The following DENND2C variants were observed in gnomAD, a reference collection of about 807,000 sequenced individuals.
DENND2C encodes DENN domain containing 2C.
A neutral mutation model predicts 112.4 loss-of-function variants in DENND2C; 72 were observed. The observed-to-expected ratio is 0.64, with a 90% CI of 0.53 to 0.78. The LOEUF (loss-of-function observed/expected upper bound fraction) is 0.78. Among genes scored for constraint, DENND2C ranks in the 30% least tolerant of loss-of-function variants. The pLI, the probability that DENND2C is intolerant of heterozygous loss-of-function variation, is 0.00. For missense variants in DENND2C, 992 were observed against 1,113.8 expected (o/e 0.89, Z 1.56); for synonymous variants, 329 against 381.6 (o/e 0.86, Z 1.61).
rs908991084 is a variant in DENND2C, at chr1:114,584,281, CT to C, written c.*1318del. 2 of 151,090 alleles carry C rather than the reference CT, an allele frequency of 1.3e-5. No homozygotes were observed. The highest frequency in any genetic ancestry group is 2.9e-5 in the Non-Finnish European group (2 of 67,806). The allele number at this position is 151,090 out of a possible 1,614,324, so 9.4% of individuals were successfully genotyped here. A position where few individuals can be genotyped will look rare whatever the true frequency, so the allele number is the denominator to read the frequency against. On this transcript the variant is annotated 3_prime_UTR_variant, in exon 21 of 21. Transcript: ENST00000393274. ...TTTTTCTTTTTTCTTTTCCTTTTTT[CT>C]TTTTTTTGAGATGGAGTCTCGCTCT...
chr1:114,650,630 C>T (rs188247755), intron 2 of DENND2C, among the ~76,000 whole-genome samples: 1,631 of 138,754 alleles, frequency 0.012, 23 homozygotes, highest in Middle Eastern at 0.056. Flanking sequence ...GCTGAGATTG[C>T]GCCACTGCAC....
At chr1:114,656,829 G>A (rs1657343758) in intron 1 of DENND2C, among the ~76,000 whole-genome samples, 3 of 152,058 alleles carry the variant, frequency 2.0e-5, no homozygotes, top group South Asian at 4.2e-4. Flanking sequence ...TTGGCTCACT[G>A]CAACCTCCAC....
chr1:114,605,097 C>A (rs1655623269), intron 10 of DENND2C, 66 bp from the exon 11 acceptor site: 1 of 1,232,390 alleles, frequency 8.1e-7, no homozygotes, highest in Admixed American at 2.4e-5. Context: ...AAATAAAAAA[C>A]TCAGCCTTGT....
chr1:114,589,506 T>A (rs1221822414), intron 18 of DENND2C, among the ~76,000 whole-genome samples: 1 of 152,262 alleles, frequency 6.6e-6, no homozygotes, highest in East Asian at 1.9e-4. Flanking sequence ...AGAATCCATG[T>A]TCATCACTGC....
chr1:114,603,210 T>C (rs1655564687), intron 11 of DENND2C, among the ~76,000 whole-genome samples: 1 of 151,628 alleles, frequency 6.6e-6, no homozygotes, highest in Admixed American at 6.6e-5. Context: ...GCGCAATCTC[T>C]GCTCACTGCA....
rs1655288344 is a variant in DENND2C at position 114,594,540 on chromosome 1, T to C, written c.2364A>G (p.Gln788=). 6.2e-7 allele frequency: 1 copy of C among 1,614,022 alleles called. No homozygotes were observed. The highest frequency in any genetic ancestry group is 8.5e-7 in the Non-Finnish European group (1 of 1,180,002). Residue 788 remains glutamine (Q), a synonymous_variant, in exon 18 of 21, where the codon CAA becomes CAG. Transcript: ENST00000393274. ...CTTCCAAAATCTGCATCAGGGCAGC[T>C]TGAAGTTTTGGTGGTAGAATTTCAT... is the stretch of plus-strand genomic sequence containing the variant. ...DEDEILPPKL[Q]AALMQILEER...
In DENND2C at chr1:114,630,155, A is replaced by G. The variant is rs554264330; in HGVS notation, c.-204-3967T>C. Reference sequence around the variant, plus strand: ...CAGTGAAACCCCATCTCTACTAAAAATTAGCTGGGCATGGTGGCATACGCC... The same window carrying G: ...CAGTGAAACCCCATCTCTACTAAAAGTTAGCTGGGCATGGTGGCATACGCC... On this transcript the variant is annotated intron_variant, in intron 3 of 20. Transcript: ENST00000393274. Among the ~76,000 whole-genome samples, 87 of 152,224 alleles carry G rather than the reference A, an allele frequency of 5.7e-4. 1 individual carries two copies. In the South Asian group the frequency reaches 0.018, roughly 31 times the overall value.
intron 20 of DENND2C, among the ~76,000 whole-genome samples, chr1:114,586,425 C>T (rs1655038168): frequency 6.6e-6 from 1 of 151,968 alleles, no homozygotes; most frequent in African/African-American, 2.4e-5. Flanking sequence ...AGGAATGTGT[C>T]CTAGAAATGA....
intron 3 of DENND2C, among the ~76,000 whole-genome samples, chr1:114,626,449 G>C (rs549334732): frequency 1.3e-5 from 2 of 151,188 alleles, no homozygotes; most frequent in South Asian, 4.2e-4. Context: ...AAGTTAGGTA[G>C]AATGAGGTTT....
intron 1 of DENND2C, among the ~76,000 whole-genome samples, chr1:114,667,968 T>C (rs1433410743): frequency 1.3e-5 from 2 of 152,198 alleles, no homozygotes; most frequent in African/African-American, 4.8e-5. Context: ...TAGGTACCAA[T>C]GAATGATAGC....
chr1:114,630,311 AAAAAG>A lies in DENND2C; in HGVS notation c.-204-4128_-204-4124del, dbSNP rs570722619. On this transcript the variant is annotated intron_variant, in intron 3 of 20. Transcript: ENST00000393274. ...GACAGAGCGAGATTCGTTCAAAAAA[AAAAAG>A]AAAAGAAAAGAAAAGAAAATTTATG... Among the ~76,000 whole-genome samples, 16 of 152,240 alleles carry A rather than the reference AAAAAG, an allele frequency of 1.1e-4. No individual in the cohort carries two copies. The East Asian group carries it at 1.7e-3, about 16-fold the overall frequency.
Position 114,605,011 on chromosome 1 carries a change from C to T in DENND2C, c.1578G>A (p.Gln526=), listed in dbSNP as rs553089363. 12 of 1,613,254 alleles carry T rather than the reference C, an allele frequency of 7.4e-6. No homozygotes were observed. In the East Asian group the frequency reaches 2.5e-4, roughly 33 times the overall value. The change falls in exon 11 of 21, where the codon CAG becomes CAA. Residue 526 remains glutamine, a synonymous_variant. Coordinates refer to ENST00000393274, the MANE Select transcript of DENND2C (RefSeq NM_001256404.2). ...TAAGTCTCTCTTCCATGTCTTTGGA[C>T]TGCTTATAGCCATGATCATCCTGAA... ...FPGKDDHGYK[Q]SKDMEERLKV... is the part of the protein sequence containing the mutation.
chr1:114,633,386 G>A (rs1450574332), intron 3 of DENND2C, among the ~76,000 whole-genome samples: 7 of 134,522 alleles, frequency 5.2e-5, no homozygotes, highest in Non-Finnish European at 7.6e-5. Context: ...GTTGCAGTAA[G>A]CCAAGATCGC....
chr1:114,600,864 G>C lies in DENND2C; in HGVS notation c.1912C>G (p.Arg638Gly). ...VMEAPFPAPG[R>G]TITVKSYLPG... ...AGGTAACTCTTAACTGTGATGGTGC[G>C]TCCAGGAGCTGGGAAAGGAGCTTCC... Residue 638 changes from arginine to glycine, a missense_variant, in exon 14 of 21, where the codon CGC becomes GGC. This residue lies in a region of DENND2C where 516 missense variants were observed against 623.6 expected (regional missense o/e 0.83). Coordinates refer to ENST00000393274, the MANE Select transcript of DENND2C (RefSeq NM_001256404.2). The C allele has an allele frequency of 6.2e-7, 1 of 1,614,040 alleles. No individual in the cohort carries two copies. Among genetic ancestry groups the C allele is most frequent in the Non-Finnish European group, 8.5e-7 (1 of 1,179,946 alleles).
At chr1:114,664,238 T>C (rs1557963709) in intron 1 of DENND2C, among the ~76,000 whole-genome samples, 1 of 152,046 alleles carries the variant, frequency 6.6e-6, no homozygotes, top group Admixed American at 6.6e-5. Flanking sequence ...AGTCTTTTGT[T>C]GTTTTTTAAG....
chr1:114,584,552 AG>A lies in DENND2C; in HGVS notation c.*1047del, dbSNP rs1654990876. The A allele has an allele frequency of 6.6e-6, 1 of 152,220 alleles. No individual in the cohort carries two copies. Among genetic ancestry groups the A allele is most frequent in the Non-Finnish European group, 1.5e-5 (1 of 68,064 alleles). The allele number at this position is 152,220 out of a possible 1,614,324, so 9.4% of individuals were successfully genotyped here. A position where few individuals can be genotyped will look rare whatever the true frequency, so the allele number is the denominator to read the frequency against. On this transcript the variant is annotated 3_prime_UTR_variant, in exon 21 of 21. Coordinates refer to ENST00000393274, the MANE Select transcript of DENND2C (RefSeq NM_001256404.2). ...TGGACTCCCATAGTGCTGGGATTAC[AG>A]ACGTGAGCCATAGCACCCAGCCTCA...
At chr1:114,610,472 A>ATG (rs879368066) in intron 9 of DENND2C, among the ~76,000 whole-genome samples, 7,878 of 152,216 alleles carry the variant, frequency 0.052, 225 homozygotes, top group South Asian at 0.084. Context: ...AGGCCAAGGC[A>ATG]GGCAGATCAA....
chr1:114,590,076 A>G (rs2101639599), intron 18 of DENND2C, among the ~76,000 whole-genome samples: 1 of 152,260 alleles, frequency 6.6e-6, no homozygotes, highest in East Asian at 1.9e-4. Flanking sequence ...TTACTGTTTT[A>G]TTCAATATAT....
At chr1:114,609,417 A>T (rs1330625421) in intron 9 of DENND2C, among the ~76,000 whole-genome samples, 2 of 152,234 alleles carry the variant, frequency 1.3e-5, no homozygotes, top group Non-Finnish European at 2.9e-5. Context: ...CATATTACTA[A>T]CAATGAATAT....
Sources: allele counts gnomAD v4.1 joint callset (sites outside exome capture counted in the v4.1 genomes callset), GRCh38; gene constraint gnomAD v4.1.1; regional missense constraint gnomAD v4.1.1; transcripts MANE v1.5; gene names NCBI Gene and HGNC (gene_info 2026-07-23, HGNC 2026-07-21).